The following CENPF variants were observed in gnomAD, a reference collection of about 807,000 sequenced individuals.
CENPF encodes AH antigen.
A neutral mutation model predicts 307.3 loss-of-function variants in CENPF; 214 were observed. The ratio of observed to expected loss-of-function variants is 0.70; its 90% confidence interval spans 0.62 to 0.78. The LOEUF is 0.78. Ranked by LOEUF, CENPF falls within the 30% of genes least tolerant of loss-of-function variation. The pLI is 0.00. For synonymous variants in CENPF, 1,259 were observed against 1,270.6 expected, an observed-to-expected ratio of 0.99 and a Z score of 0.19; for missense variants, 3,401 against 3,483.9, an observed-to-expected ratio of 0.98 and a Z score of 0.60.
intron 14 of CENPF, among the ~76,000 whole-genome samples, chr1:214,651,475 G>A (rs1658458925): frequency 6.6e-6 from 1 of 152,188 alleles, no homozygotes; most frequent in African/African-American, 2.4e-5. Flanking sequence ...GAGTTTCTGT[G>A]GTCTCTGGAT....
At chr1:214,603,783 C>T (rs989890682) in intron 1 of CENPF, 1 of 151,662 alleles carries the variant, frequency 6.6e-6, no homozygotes, top group African/African-American at 2.4e-5. Context: ...GTTAGTTACG[C>T]GAGCATTTCT....
chr1:214,639,470 T>C (rs189951295), intron 11 of CENPF, among the ~76,000 whole-genome samples: 131 of 152,322 alleles, frequency 8.6e-4, no homozygotes, highest in African/African-American at 3.0e-3. Flanking sequence ...GTGGAGTACT[T>C]ATTTACTTTT....
chr1:214,640,003 A>C lies in CENPF; in HGVS notation c.1665A>C (p.Lys555Asn), dbSNP rs1432104186. 1.3e-6 allele frequency: 2 copies of C among 1,591,988 alleles called. No homozygotes were observed. Among genetic ancestry groups the C allele is most frequent in the African/African-American group, 2.7e-5 (2 of 73,204 alleles). Reference protein sequence around the residue: ...NQQENSLTLEKLKLAVADLEK... With the variant: ...NQQENSLTLENLKLAVADLEK... ...AAGAAAACTCCTTGACTTTAGAAAAACTGAAGCTTGCTGTGGCTGATCTGG... is the reference window on the plus strand; with the variant it reads ...AAGAAAACTCCTTGACTTTAGAAAACCTGAAGCTTGCTGTGGCTGATCTGG... Residue 555 changes from lysine to asparagine, a missense_variant, in exon 12 of 20, where the codon AAA becomes AAC. Lys to Asn is a moderately conservative substitution (Grantham distance 94). Coordinates refer to ENST00000366955, the MANE Select transcript of CENPF (RefSeq NM_016343.4).
intron 3 of CENPF, among the ~76,000 whole-genome samples, chr1:214,617,549 T>G (rs1323552066): frequency 1.3e-5 from 2 of 152,204 alleles, no homozygotes; most frequent in Non-Finnish European, 2.9e-5. Flanking sequence ...GCATGATAGT[T>G]CTGAATACCT....
intron 19 of CENPF, 65 bp from the exon 20 acceptor site, chr1:214,663,526 T>A: frequency 6.7e-7 from 1 of 1,502,046 alleles, no homozygotes; most frequent in Non-Finnish European, 9.2e-7. Context: ...GACATAGTGC[T>A]TTATTTTTCA....
intron 14 of CENPF, among the ~76,000 whole-genome samples, chr1:214,651,381 T>C (rs1658457024): frequency 6.6e-6 from 1 of 152,184 alleles, no homozygotes; most frequent in African/African-American, 2.4e-5. Flanking sequence ...TCAGGAATTA[T>C]TGCAATGGAA....
chr1:214,621,027 A>C (rs558829228), intron 6 of CENPF, 81 bp downstream of exon 6: 594 of 1,368,910 alleles, frequency 4.3e-4, no homozygotes, highest in Middle Eastern at 1.3e-3. Flanking sequence ...TTAATCCCAT[A>C]AAGTGCTTAT....
At chr1:214,621,826 A>G (rs1427989088) in intron 6 of CENPF, among the ~76,000 whole-genome samples, 1 of 152,240 alleles carries the variant, frequency 6.6e-6, no homozygotes, top group Non-Finnish European at 1.5e-5. Context: ...GATTTTAGAA[A>G]AGCATTCCCC....
intron 1 of CENPF, among the ~76,000 whole-genome samples, chr1:214,610,591 T>C (rs1657172870): frequency 6.6e-6 from 1 of 152,148 alleles, no homozygotes; most frequent in Non-Finnish European, 1.5e-5. Flanking sequence ...ATTAGACCTT[T>C]ATCAGATGCA....
chr1:214,636,685 G>C (rs1176026410), intron 10 of CENPF, among the ~76,000 whole-genome samples: 1 of 152,108 alleles, frequency 6.6e-6, no homozygotes, highest in African/African-American at 2.4e-5. Context: ...GTATTGCCAC[G>C]GCCATCTGTT....
chr1:214,632,565 G>T lies in CENPF; in HGVS notation c.1409G>T (p.Ser470Ile). 1.2e-6 allele frequency: 2 copies of T among 1,614,120 alleles called. No homozygotes were observed. Among genetic ancestry groups the T allele is most frequent in the South Asian group, 2.2e-5 (2 of 91,078 alleles). Residue 470 changes from serine (S) to isoleucine (I), a missense_variant, in exon 10 of 20, where the codon AGT becomes ATT. Transcript: ENST00000366955. ...LCRAEQAFQA[S>I]QIKENELRRS... Reference sequence around the variant, plus strand: ...AGAGCTGAACAGGCGTTCCAGGCGAGTCAGATCAAGGAGAATGAGCTGAGG... The same window carrying T: ...AGAGCTGAACAGGCGTTCCAGGCGATTCAGATCAAGGAGAATGAGCTGAGG...
chr1:214,646,093 C>T lies in CENPF; in HGVS notation c.6523C>T (p.Leu2175Phe). The change falls in exon 13 of 20, where the codon CTT becomes TTT. Residue 2175 changes from leucine (L) to phenylalanine (F), a missense_variant. Coordinates refer to ENST00000366955, the MANE Select transcript of CENPF (RefSeq NM_016343.4). The stretch of plus-strand genomic sequence containing the variant: ...AGAAGAAAACCAGGAGCTAGTGATT[C>T]TTGATGCCGAGAATTCCAAAGCAGA... ...MSEENQELVI[L>F]DAENSKAEVE... 6.2e-7 allele frequency: 1 copy of T among 1,614,058 alleles called. No individual in the cohort carries two copies. The highest frequency in any genetic ancestry group is 1.3e-5 in the African/African-American group (1 of 75,042).
intron 13 of CENPF, chr1:214,647,992 A>G (rs1288917264): frequency 4.0e-6 from 2 of 501,144 alleles, no homozygotes; most frequent in African/African-American, 1.9e-5. Flanking sequence ...AAGATCTGCC[A>G]TCAAGAGGCT....
rs144508927 is a variant in CENPF, at chr1:214,629,582, C to T, written c.1194+411C>T. Among the ~76,000 whole-genome samples the T allele has an allele frequency of 6.3e-3, 943 of 150,744 alleles. 5 individuals are homozygous for T. The highest frequency in any genetic ancestry group is 0.01 in the Middle Eastern group (3 of 294). ...TATTTTTTTTTTTGAGACAGAGTCT[C>T]GCAGTGTTACCCAGGCTGGAGTGCA... On this transcript the variant is annotated intron_variant, in intron 8 of 19. Transcript: ENST00000366955.
intron 1 of CENPF, among the ~76,000 whole-genome samples, chr1:214,609,078 C>G (rs1463675510): frequency 6.6e-6 from 1 of 151,694 alleles, no homozygotes; most frequent in Non-Finnish European, 1.5e-5. Context: ...CGTGGGAAGC[C>G]CACCCCGGCC....
intron 14 of CENPF, among the ~76,000 whole-genome samples, chr1:214,650,637 C>T (rs1658436696): frequency 6.6e-6 from 1 of 152,150 alleles, no homozygotes. Flanking sequence ...TATAGTGGCT[C>T]ATGCCTGTAA....
Position 214,637,953 on chromosome 1 carries a change from A to G in CENPF, c.1534A>G (p.Ile512Val), listed in dbSNP as rs1324895364. The G allele has an allele frequency of 1.5e-5, 25 of 1,613,522 alleles. No individual in the cohort carries two copies. Among genetic ancestry groups the G allele is most frequent in the Non-Finnish European group, 2.0e-5 (24 of 1,179,916 alleles). The change falls in exon 11 of 20, where the codon ATC (isoleucine) becomes GTC (valine). Residue 512 changes from isoleucine (I) to valine (V), a missense_variant. Coordinates refer to ENST00000366955, the MANE Select transcript of CENPF (RefSeq NM_016343.4). ...CCACCTGGAGGCAGAACTCAAGAACATCAAACAGTGTTTAAATCAGAGCCA... is the reference window on the plus strand; with the variant it reads ...CCACCTGGAGGCAGAACTCAAGAACGTCAAACAGTGTTTAAATCAGAGCCA... ...VCHLEAELKN[I>V]KQCLNQSQNF... is the part of the protein sequence containing the mutation.
chr1:214,660,286 G>A (rs1022682873), intron 19 of CENPF, among the ~76,000 whole-genome samples: 8 of 152,108 alleles, frequency 5.3e-5, no homozygotes, highest in African/African-American at 1.4e-4. Context: ...TTTCACTAAA[G>A]TGGACCCATT....
intron 1 of CENPF, among the ~76,000 whole-genome samples, chr1:214,610,644 ACT>A (rs967880324): frequency 6.6e-6 from 1 of 151,440 alleles, no homozygotes; most frequent in African/African-American, 2.4e-5. Flanking sequence ...TTGTCTTTTT[ACT>A]CTGTTGAGTT....
Sources: allele counts gnomAD v4.1 joint callset (sites outside exome capture counted in the v4.1 genomes callset), GRCh38; gene constraint gnomAD v4.1.1; transcripts MANE v1.5; gene names NCBI Gene and HGNC (gene_info 2026-07-23, HGNC 2026-07-21).